ASIC2: variants seen among roughly 807,000 people sequenced by gnomAD.
The protein encoded by ASIC2 is acid-sensing ion channel 2.
Under a neutral mutation model 57.3 loss-of-function variants are expected in ASIC2, and 25 were observed. That is an observed-to-expected ratio of 0.44 (90% CI 0.32 to 0.61). The LOEUF is 0.61. Among genes scored for constraint, ASIC2 ranks in the 20% least tolerant of loss-of-function variants. The pLI, the probability that ASIC2 is intolerant of heterozygous loss-of-function variation, is 0.06. For synonymous variants in ASIC2, 319 were observed against 307.5 expected (o/e 1.04, Z -0.39); for missense variants, 641 against 738.1 (o/e 0.87, Z 1.52).
intron 1 of ASIC2, among the ~76,000 whole-genome samples, chr17:33,390,443 G>A (rs191671700): frequency 2.6e-5 from 4 of 152,234 alleles, no homozygotes; most frequent in Admixed American, 6.5e-5. Context: ...ATATTGCTAT[G>A]CAACAAATAG....
chr17:34,119,021 G>T (rs1413263426), intron 1 of ASIC2: 3 of 152,242 alleles, frequency 2.0e-5, no homozygotes, highest in Non-Finnish European at 4.4e-5. Flanking sequence ...TGTGGCAAGA[G>T]AGATGTTTAG....
chr17:33,440,484 G>A (rs1911786198), intron 1 of ASIC2, among the ~76,000 whole-genome samples: 1 of 152,216 alleles, frequency 6.6e-6, no homozygotes, highest in African/African-American at 2.4e-5. Context: ...TAGATACCTA[G>A]AAATTGCTGG....
intron 1 of ASIC2, among the ~76,000 whole-genome samples, chr17:33,118,234 C>T (rs1363759692): frequency 6.6e-6 from 1 of 152,170 alleles, no homozygotes; most frequent in East Asian, 1.9e-4. Flanking sequence ...ATTGGTCCTC[C>T]AGTAACTCTT....
At chr17:33,734,962 A>T (rs1055448099) in intron 1 of ASIC2, among the ~76,000 whole-genome samples, 3 of 152,180 alleles carry the variant, frequency 2.0e-5, no homozygotes, top group Non-Finnish European at 2.9e-5. Context: ...GGCCACACTG[A>T]CTTTCTTGCT....
intron 1 of ASIC2, among the ~76,000 whole-genome samples, chr17:33,209,658 T>A (rs578009865): frequency 6.6e-6 from 1 of 152,316 alleles, no homozygotes; most frequent in Non-Finnish European, 1.5e-5. Flanking sequence ...GCAGGTGCCA[T>A]GTTTGTTTTG....
chr17:33,158,733 C>T (rs902186225), intron 1 of ASIC2, among the ~76,000 whole-genome samples: 4 of 152,236 alleles, frequency 2.6e-5, no homozygotes, highest in African/African-American at 7.2e-5. Flanking sequence ...CTCTGTTCCA[C>T]CTTTGTAAAA....
At chr17:34,099,512 GAGAAAGAAAAAGAA>G (rs1910738248) in intron 1 of ASIC2, among the ~76,000 whole-genome samples, 2 of 116,532 alleles carry the variant, frequency 1.7e-5, no homozygotes, top group East Asian at 5.1e-4. Context: ...GAGGAAAGAA[GAGAAAGAAAAAGAA>G]AGAAAGAAAG....
At chr17:33,180,613 C>T (rs1303185660) in intron 1 of ASIC2, among the ~76,000 whole-genome samples, 2 of 152,196 alleles carry the variant, frequency 1.3e-5, no homozygotes, top group African/African-American at 4.8e-5. Flanking sequence ...GTCCAGGAAT[C>T]ACCACCAGGC....
intron 1 of ASIC2, among the ~76,000 whole-genome samples, chr17:34,092,222 G>C (rs1198236611): frequency 6.6e-6 from 1 of 152,212 alleles, no homozygotes; most frequent in Admixed American, 6.5e-5. Context: ...CAATACAGTA[G>C]AGGTTTCAGG....
chr17:34,016,423 CAAAAAAAAAA>C lies in ASIC2; in HGVS notation c.555+139545_555+139554del, dbSNP rs398041640. On this transcript the variant is annotated intron_variant, in intron 1 of 9. Transcript: ENST00000359872. ...TGGACGAAAGAGCGAGACTCCGTCT[CAAAAAAAAAA>C]AAAAAAAAAAAAAAGAAACAATGCA... Among the ~76,000 whole-genome samples the C allele has an allele frequency of 7.5e-3, 310 of 41,498 alleles. 2 individuals are homozygous for C. The highest frequency in any genetic ancestry group is 0.024 in the African/African-American group (292 of 12,126). 27.2% of individuals were successfully genotyped at this position (41,498 alleles called of 152,430 possible). A position where few individuals can be genotyped will look rare whatever the true frequency, so the allele number is the denominator to read the frequency against.
chr17:33,166,463 T>C (rs1374469536), intron 1 of ASIC2, among the ~76,000 whole-genome samples: 1 of 152,026 alleles, frequency 6.6e-6, no homozygotes, highest in East Asian at 1.9e-4. Flanking sequence ...TCCAGGGCAG[T>C]GAGGAGTTCC....
intron 1 of ASIC2, among the ~76,000 whole-genome samples, chr17:33,872,373 C>A (rs1293750717): frequency 6.6e-6 from 1 of 152,118 alleles, no homozygotes; most frequent in East Asian, 1.9e-4. Context: ...ATGGAGACAC[C>A]AAGATGGATA....
At chr17:33,788,421 G>C (rs947929952) in intron 1 of ASIC2, among the ~76,000 whole-genome samples, 5 of 152,160 alleles carry the variant, frequency 3.3e-5, no homozygotes, top group African/African-American at 9.7e-5. Context: ...TGGAGAGATG[G>C]TGGAGAAATA....
rs189145952 is a variant in ASIC2 at position 33,957,541 on chromosome 17, G to A, written c.555+198437C>T. 4.6e-5 allele frequency among the ~76,000 whole-genome samples: 7 copies of A among 152,332 alleles called. No individual in the cohort carries two copies. The East Asian group carries it at 1.2e-3, about 25-fold the overall frequency. On this transcript the variant is annotated intron_variant, in intron 1 of 9. Transcript: ENST00000359872. ...ATCATACATGGCAGCAGGCAAGAGA[G>A]TGTGTGCAGGGGAACTGCCCCTTAT...
At chr17:33,529,775 G>A (rs148818364) in intron 1 of ASIC2, 2 of 152,310 alleles carry the variant, frequency 1.3e-5, no homozygotes, top group East Asian at 3.9e-4. Flanking sequence ...TCCACATGAG[G>A]ATTAAATGAG....
intron 1 of ASIC2, among the ~76,000 whole-genome samples, chr17:33,537,630 A>G (rs1385727675): frequency 6.6e-6 from 1 of 152,220 alleles, no homozygotes; most frequent in African/African-American, 2.4e-5. Flanking sequence ...AATGTAGCCA[A>G]GTCAAGTCAG....
At chr17:33,799,402 CT>C (rs11341947) in intron 1 of ASIC2, among the ~76,000 whole-genome samples, 17,908 of 55,982 alleles carry the variant, frequency 0.32, 1,933 homozygotes, top group Non-Finnish European at 0.39. Flanking sequence ...TTCTTTCTTT[CT>C]TTTCTTTCTT....
chr17:34,103,695 C>A (rs952943765), intron 1 of ASIC2, among the ~76,000 whole-genome samples: 1 of 152,000 alleles, frequency 6.6e-6, no homozygotes, highest in Non-Finnish European at 1.5e-5. Flanking sequence ...TGTTTCAGCA[C>A]AATTTGTTGA....
intron 1 of ASIC2, among the ~76,000 whole-genome samples, chr17:33,866,361 T>C (rs1914237138): frequency 6.6e-6 from 1 of 152,202 alleles, no homozygotes; most frequent in Admixed American, 6.5e-5. Flanking sequence ...CATCGTGTGC[T>C]GAATTATATT....
Sources: allele counts gnomAD v4.1 joint callset (sites outside exome capture counted in the v4.1 genomes callset), GRCh38; gene constraint gnomAD v4.1.1; transcripts MANE v1.5; gene names NCBI Gene and HGNC (gene_info 2026-07-23, HGNC 2026-07-21).